The following NFKB1 variants were observed in gnomAD, a reference collection of about 807,000 sequenced individuals.
NFKB1 encodes nuclear factor NF-kappa-B p105 subunit.
NFKB1 carries 9 observed loss-of-function variants against 105.1 expected under a neutral mutation model. The ratio of observed to expected loss-of-function variants is 0.09; its 90% confidence interval spans 0.05 to 0.15. NFKB1 has a LOEUF of 0.15. Ranked by LOEUF, NFKB1 falls within the 10% of genes least tolerant of loss-of-function variation. The probability of loss-of-function intolerance (pLI) is 1.00; values close to 1 mark genes in which losing one functional copy is unlikely to be tolerated. For missense variants in NFKB1, 830 were observed against 1,203.7 expected (o/e 0.69, Z 4.59); for synonymous variants, 440 against 442.2 (o/e 1.00, Z 0.06).
chr4:102,545,207 G>A (rs747789324), intron 5 of NFKB1, among the ~76,000 whole-genome samples: 3 of 152,108 alleles, frequency 2.0e-5, no homozygotes, highest in Non-Finnish European at 4.4e-5. Context: ...TGAAGCTGGA[G>A]GCTACCCTGC....
intron 1 of NFKB1, among the ~76,000 whole-genome samples, chr4:102,503,890 T>C (rs138339226): frequency 8.7e-4 from 133 of 152,336 alleles, no homozygotes; most frequent in African/African-American, 3.1e-3. Context: ...GACTTGCAGA[T>C]AATTGATTAA....
intron 11 of NFKB1, among the ~76,000 whole-genome samples, chr4:102,588,573 A>C (rs1209142627): frequency 6.6e-6 from 1 of 152,184 alleles, no homozygotes; most frequent in African/African-American, 2.4e-5. Context: ...TTTACTGGTA[A>C]ACTAAAACCT....
chr4:102,581,479 A>G (rs1318006444), intron 9 of NFKB1, among the ~76,000 whole-genome samples: 2 of 152,122 alleles, frequency 1.3e-5, no homozygotes, highest in East Asian at 1.9e-4. Context: ...AAGTAAACAC[A>G]TATATACTTT....
At chr4:102,579,366 C>G (rs1725132723) in intron 8 of NFKB1, among the ~76,000 whole-genome samples, 1 of 151,938 alleles carries the variant, frequency 6.6e-6, no homozygotes, top group South Asian at 2.1e-4. Context: ...GGAGAATAAT[C>G]CCAATTTTCT....
At chr4:102,503,847 A>G (rs753897090) in intron 1 of NFKB1, among the ~76,000 whole-genome samples, 1 of 152,200 alleles carries the variant, frequency 6.6e-6, no homozygotes, top group African/African-American at 2.4e-5. Flanking sequence ...TGAGAAACTA[A>G]TATTTATGCA....
intron 20 of NFKB1, 104 bp downstream of exon 20, chr4:102,610,803 G>T: frequency 7.4e-7 from 1 of 1,354,870 alleles, no homozygotes. Flanking sequence ...CAAAGAACAT[G>T]CCTTTTATTT....
intron 22 of NFKB1, 69 bp from the exon 23 acceptor site, chr4:102,613,356 G>C: frequency 6.5e-7 from 1 of 1,529,548 alleles, no homozygotes; most frequent in South Asian, 1.2e-5. Flanking sequence ...AGGGTGGGCT[G>C]TCAGTGCTTA....
rs1728995515 is a variant in NFKB1 at position 102,616,990 on chromosome 4, C to CA, written c.*399dup. On this transcript the variant is annotated 3_prime_UTR_variant, in exon 24 of 24. Coordinates refer to ENST00000226574, the MANE Select transcript of NFKB1 (RefSeq NM_003998.4). ...TCTGACCACAGCATCATTTTGCATT[C>CA]AAATTAAGGGTTAAGAAAAGAGATA... 6.8e-6 allele frequency: 1 copy of CA among 146,268 alleles called. No homozygotes were observed. The allele number at this position is 146,268 out of a possible 1,614,324, so 9.1% of individuals were successfully genotyped here.
intron 11 of NFKB1, among the ~76,000 whole-genome samples, chr4:102,588,166 A>C (rs1371906463): frequency 2.0e-5 from 3 of 152,200 alleles, no homozygotes; most frequent in African/African-American, 7.2e-5. Flanking sequence ...AATGCTCATT[A>C]AATATCTGTG....
At chr4:102,595,022 A>G (rs752797009) in intron 13 of NFKB1, 41 bp downstream of exon 13, 84 of 1,362,720 alleles carry the variant, frequency 6.2e-5, no homozygotes, top group Non-Finnish European at 8.0e-5. Flanking sequence ...AAGGAAAAAA[A>G]TAATTAATGC....
At chr4:102,597,271 AC>A (rs1185044968) in intron 14 of NFKB1, among the ~76,000 whole-genome samples, 2 of 152,218 alleles carry the variant, frequency 1.3e-5, no homozygotes. Context: ...ACATTTCTAA[AC>A]TTTTTTCCTC....
At chr4:102,588,765 ATGAC>A (rs1703657692) in intron 11 of NFKB1, among the ~76,000 whole-genome samples, 1 of 152,204 alleles carries the variant, frequency 6.6e-6, no homozygotes, top group Non-Finnish European at 1.5e-5. Context: ...TTTCAAAAGA[ATGAC>A]AGCCTAACAT....
At chr4:102,578,775 A>T in intron 7 of NFKB1, 106 bp from the exon 8 acceptor site, 1 of 1,193,662 alleles carries the variant, frequency 8.4e-7, no homozygotes, top group East Asian at 2.5e-5. Context: ...AAAGAGGAAA[A>T]ATGGGTTTTT....
intron 1 of NFKB1, among the ~76,000 whole-genome samples, chr4:102,519,512 A>G (rs1740430997): frequency 6.6e-6 from 1 of 151,704 alleles, no homozygotes; most frequent in African/African-American, 2.4e-5. Context: ...TTAAAAAAAG[A>G]ACTATCACTT....
intron 4 of NFKB1, 37 bp downstream of exon 4, chr4:102,533,922 C>G (rs1331407495): frequency 4.5e-6 from 7 of 1,553,284 alleles, no homozygotes; most frequent in Non-Finnish European, 8.9e-7. Context: ...ATGTTAGATT[C>G]CAGTGTCTAA....
intron 3 of NFKB1, among the ~76,000 whole-genome samples, chr4:102,531,885 CTG>C (rs1741314647): frequency 6.6e-6 from 1 of 152,164 alleles, no homozygotes; most frequent in Admixed American, 6.6e-5. Context: ...TCCAACTCCT[CTG>C]TATTTTTCAT....
At chr4:102,554,038 G>A (rs926127182) in intron 5 of NFKB1, among the ~76,000 whole-genome samples, 4 of 151,966 alleles carry the variant, frequency 2.6e-5, no homozygotes, top group Non-Finnish European at 5.9e-5. Flanking sequence ...TTTGTAGTTT[G>A]AAAATGTGAT....
At chr4:102,569,274 G>C (rs996536127) in intron 6 of NFKB1, among the ~76,000 whole-genome samples, 1 of 152,054 alleles carries the variant, frequency 6.6e-6, no homozygotes, top group Admixed American at 6.6e-5. Flanking sequence ...AGGACTGGGG[G>C]CAAGTTACAT....
At chr4:102,505,639 C>T (rs1739370720) in intron 1 of NFKB1, among the ~76,000 whole-genome samples, 1 of 151,978 alleles carries the variant, frequency 6.6e-6, no homozygotes, top group Admixed American at 6.6e-5. Flanking sequence ...TAAACTGTGA[C>T]AAATTTTGAC....
Sources: gnomAD v4.1 joint callset for allele counts (sites outside exome capture counted in the v4.1 genomes callset) on GRCh38, gnomAD v4.1.1 for gene constraint, MANE v1.5 for transcripts, NCBI Gene and HGNC (gene_info 2026-07-23, HGNC 2026-07-21) for gene names.